The following CNTNAP2 variants were observed in gnomAD, a reference collection of about 807,000 sequenced individuals.
CNTNAP2 encodes contactin associated protein 2, also known as contactin-associated protein-like 2.
A neutral mutation model predicts 155.2 loss-of-function variants in CNTNAP2; 98 were observed. The observed-to-expected ratio is 0.63, with a 90% CI of 0.54 to 0.75. CNTNAP2 has a LOEUF of 0.75. CNTNAP2 is among the 30% of genes least tolerant of loss of function. CNTNAP2 has a pLI of 0.00. For missense variants in CNTNAP2, 1,727 were observed against 1,688.1 expected, an observed-to-expected ratio of 1.02 and a Z score of -0.40; for synonymous variants, 651 against 631.2, an observed-to-expected ratio of 1.03 and a Z score of -0.47.
chr7:146,429,389 G>A (rs1477798737), intron 1 of CNTNAP2, among the ~76,000 whole-genome samples: 1 of 151,568 alleles, frequency 6.6e-6, no homozygotes, highest in African/African-American at 2.4e-5. Context: ...ACTTGTTTGT[G>A]TTCTAATTTT....
intron 8 of CNTNAP2, among the ~76,000 whole-genome samples, chr7:147,203,543 A>C (rs1802962460): frequency 6.6e-6 from 1 of 152,110 alleles, no homozygotes; most frequent in Non-Finnish European, 1.5e-5. Flanking sequence ...CTTAATTTTA[A>C]TTTTAATTGT....
rs373032392 is a variant in CNTNAP2, at chr7:147,875,276, A to G, written c.2099-28289A>G. 2.4e-4 allele frequency among the ~76,000 whole-genome samples: 36 copies of G among 152,340 alleles called. No individual in the cohort carries two copies. The East Asian group carries it at 5.6e-3, about 24-fold the overall frequency. On this transcript the variant is annotated intron_variant, in intron 13 of 23. Transcript: ENST00000361727. ...AGGTTTAATGGACTTACACTTCCAC[A>G]TGGCTGGGAAGGCCTCACAATCACA... is the stretch of plus-strand genomic sequence containing the variant.
At chr7:147,017,111 A>T (rs992783577) in intron 3 of CNTNAP2, among the ~76,000 whole-genome samples, 1 of 150,466 alleles carries the variant, frequency 6.6e-6, no homozygotes, top group Non-Finnish European at 1.5e-5. Flanking sequence ...TGATACATTT[A>T]AAAAGGGCTA....
At chr7:147,509,831 A>C (rs905027881) in intron 11 of CNTNAP2, among the ~76,000 whole-genome samples, 2 of 152,108 alleles carry the variant, frequency 1.3e-5, no homozygotes, top group African/African-American at 4.8e-5. Flanking sequence ...TTCATCTGGC[A>C]GTTAATTCCT....
Position 147,585,628 on chromosome 7 carries a change from C to A in CNTNAP2, c.1897+23371C>A, listed in dbSNP as rs28726668. Among the ~76,000 whole-genome samples the A allele has an allele frequency of 5.7e-3, 559 of 98,542 alleles. 1 individual carries two copies. Among genetic ancestry groups the A allele is most frequent in the African/African-American group, 0.016 (513 of 32,666 alleles). The allele number at this position is 98,542 out of a possible 152,430, so 64.6% of individuals were successfully genotyped here. A position where few individuals can be genotyped will look rare whatever the true frequency, so the allele number is the denominator to read the frequency against. On this transcript the variant is annotated intron_variant, in intron 12 of 23. Transcript: ENST00000361727. ...ATAGTAGGCAAAGGTAATTTTGAGG[C>A]CAAAAATATAAATACTTATAATCTC... is the stretch of plus-strand genomic sequence containing the variant.
chr7:146,492,964 A>T (rs1210030558), intron 1 of CNTNAP2, among the ~76,000 whole-genome samples: 1 of 152,184 alleles, frequency 6.6e-6, no homozygotes, highest in Non-Finnish European at 1.5e-5. Flanking sequence ...AACAACACCA[A>T]ACAAGATGAG....
chr7:146,721,582 TTCTA>T (rs1206703275), intron 1 of CNTNAP2, among the ~76,000 whole-genome samples: 5 of 111,944 alleles, frequency 4.5e-5, no homozygotes, highest in Admixed American at 1.8e-4. Flanking sequence ...TCTATATACA[TTCTA>T]TATATATATT....
intron 1 of CNTNAP2, among the ~76,000 whole-genome samples, chr7:146,345,281 T>C (rs1046926927): frequency 6.6e-6 from 1 of 152,190 alleles, no homozygotes; most frequent in South Asian, 2.1e-4. Flanking sequence ...TCACTTTGCA[T>C]TTTTTCTCCT....
chr7:146,134,485 T>C (rs991676160), intron 1 of CNTNAP2, among the ~76,000 whole-genome samples: 2 of 151,708 alleles, frequency 1.3e-5, no homozygotes, highest in African/African-American at 4.8e-5. Context: ...CCCTGTCTTA[T>C]GCCAGTTTTC....
chr7:148,033,974 C>T (rs1328839621), intron 15 of CNTNAP2, among the ~76,000 whole-genome samples: 1 of 152,028 alleles, frequency 6.6e-6, no homozygotes, highest in Non-Finnish European at 1.5e-5. Context: ...AAAGCATTCA[C>T]CGTGACAGAG....
intron 1 of CNTNAP2, among the ~76,000 whole-genome samples, chr7:146,637,147 G>A (rs187284076): frequency 1.3e-5 from 2 of 152,200 alleles, no homozygotes; most frequent in Non-Finnish European, 2.9e-5. Context: ...TAAATGATCA[G>A]AGGAATGCTT....
chr7:147,392,330 T>C (rs1381901947), intron 9 of CNTNAP2, among the ~76,000 whole-genome samples: 2 of 151,744 alleles, frequency 1.3e-5, no homozygotes, highest in Non-Finnish European at 2.9e-5. Context: ...TTTTTGGTAC[T>C]AAAGTATTTT....
At chr7:146,578,154 T>G (rs1798553720) in intron 1 of CNTNAP2, among the ~76,000 whole-genome samples, 1 of 152,172 alleles carries the variant, frequency 6.6e-6, no homozygotes, top group African/African-American at 2.4e-5. Context: ...GCCCATTAAA[T>G]AATATTTCTA....
intron 1 of CNTNAP2, among the ~76,000 whole-genome samples, chr7:146,499,091 A>G (rs539115585): frequency 2.6e-5 from 4 of 152,308 alleles, no homozygotes; most frequent in South Asian, 4.1e-4. Flanking sequence ...TACTCTGCCA[A>G]TGATCTGTCT....
intron 1 of CNTNAP2, among the ~76,000 whole-genome samples, chr7:146,771,031 T>C (rs1278487535): frequency 1.3e-5 from 2 of 152,114 alleles, no homozygotes; most frequent in Non-Finnish European, 2.9e-5. Context: ...TTCTTCATAT[T>C]TCTACTCAAA....
At chr7:148,343,485 G>T (rs899565643) in intron 21 of CNTNAP2, among the ~76,000 whole-genome samples, 1 of 151,972 alleles carries the variant, frequency 6.6e-6, no homozygotes, top group African/African-American at 2.4e-5. Context: ...TCCTTTCTTC[G>T]ATTTGAATAT....
intron 1 of CNTNAP2, among the ~76,000 whole-genome samples, chr7:146,352,656 A>C (rs10225674): frequency 0.41 from 61,255 of 149,632 alleles, 13,877 homozygotes; most frequent in Admixed American, 0.56. Context: ...AATCATCCTC[A>C]TCTTTGGGAG....
chr7:146,287,459 A>AG (rs1488121147), intron 1 of CNTNAP2, among the ~76,000 whole-genome samples: 1 of 152,198 alleles, frequency 6.6e-6, no homozygotes, highest in African/African-American at 2.4e-5. Flanking sequence ...AGTGTTTTGA[A>AG]GACATATTAT....
intron 1 of CNTNAP2, among the ~76,000 whole-genome samples, chr7:146,696,903 C>T (rs1359055856): frequency 6.6e-6 from 1 of 152,080 alleles, no homozygotes; most frequent in Non-Finnish European, 1.5e-5. Flanking sequence ...AGTTTAAATT[C>T]ATTAAGCTGT....
Sources: gnomAD v4.1 joint callset for allele counts (sites outside exome capture counted in the v4.1 genomes callset) on GRCh38, gnomAD v4.1.1 for gene constraint, MANE v1.5 for transcripts, NCBI Gene and HGNC (gene_info 2026-07-23, HGNC 2026-07-21) for gene names.